Variants in ZFHX3 observed in about 807,000 individuals in gnomAD.
ZFHX3 encodes the protein zinc finger homeobox protein 3.
A neutral mutation model predicts 279.1 loss-of-function variants in ZFHX3; 42 were observed. The ratio of observed to expected loss-of-function variants is 0.15; its 90% CI spans 0.12 to 0.19. The LOEUF (loss-of-function observed/expected upper bound fraction) is 0.19. ZFHX3 is among the 10% of genes least tolerant of loss of function. The probability of loss-of-function intolerance (pLI) is 1.00; values close to 1 mark genes in which losing one functional copy is unlikely to be tolerated. For missense variants in ZFHX3, 4,981 were observed against 4,754.0 expected, an observed-to-expected ratio of 1.05 and a Z score of -1.40; for synonymous variants, 2,293 against 1,957.8, an observed-to-expected ratio of 1.17 and a Z score of -4.52.
intron 1 of ZFHX3, among the ~76,000 whole-genome samples, chr16:72,999,346 C>T (rs1337667676): frequency 6.6e-6 from 1 of 152,110 alleles, no homozygotes; most frequent in East Asian, 1.9e-4. Context: ...TTAGTAGATA[C>T]AGGGTTTCGC....
chr16:72,799,147 T>C (rs1356820767), intron 8 of ZFHX3, among the ~76,000 whole-genome samples: 1 of 152,208 alleles, frequency 6.6e-6, no homozygotes, highest in Non-Finnish European at 1.5e-5. Context: ...GTGTAGAATA[T>C]GTGAATTAAT....
intron 1 of ZFHX3, among the ~76,000 whole-genome samples, chr16:72,974,712 T>C (rs1328984734): frequency 3.9e-5 from 6 of 152,070 alleles, no homozygotes; most frequent in Admixed American, 3.9e-4. Context: ...AAAGCAGTAA[T>C]GGCCACTGTA....
At chr16:73,211,632 A>C (rs1341355557) in intron 5 of ZFHX3, among the ~76,000 whole-genome samples, 2 of 152,058 alleles carry the variant, frequency 1.3e-5, no homozygotes, top group Non-Finnish European at 2.9e-5. Flanking sequence ...GAACTGGCAA[A>C]ATTCCATGCA....
intron 4 of ZFHX3, among the ~76,000 whole-genome samples, chr16:73,287,164 G>T (rs1167653740): frequency 6.0e-5 from 9 of 149,494 alleles, no homozygotes; most frequent in Non-Finnish European, 1.2e-4. Flanking sequence ...GAGTGTGTGG[G>T]TTGCTGTGTG....
At chr16:73,497,208 G>A (rs1442035473) in intron 2 of ZFHX3, among the ~76,000 whole-genome samples, 7 of 152,152 alleles carry the variant, frequency 4.6e-5, no homozygotes, top group Non-Finnish European at 1.0e-4. Context: ...CACCATCTCC[G>A]ACTGACAAGC....
intron 1 of ZFHX3, among the ~76,000 whole-genome samples, chr16:73,003,204 G>A (rs546563862): frequency 5.3e-5 from 8 of 151,530 alleles, no homozygotes; most frequent in South Asian, 2.1e-4. Context: ...ATAAGTGTCT[G>A]TAGCAAAAAT....
intron 2 of ZFHX3, among the ~76,000 whole-genome samples, chr16:73,478,522 G>A (rs1294190108): frequency 2.6e-5 from 4 of 152,126 alleles, no homozygotes; most frequent in Non-Finnish European, 4.4e-5. Flanking sequence ...GATTCCCCTG[G>A]GCAAACTGGG....
intron 2 of ZFHX3, chr16:73,505,060 T>A (rs1197275666): frequency 1.3e-5 from 2 of 152,132 alleles, no homozygotes; most frequent in Non-Finnish European, 2.9e-5. Context: ...AAGCTTTCTA[T>A]GATTTGGGGC....
At chr16:73,368,397 C>G (rs192671427) in intron 3 of ZFHX3, among the ~76,000 whole-genome samples, 60 of 152,278 alleles carry the variant, frequency 3.9e-4, no homozygotes, top group African/African-American at 1.4e-3. Context: ...TCCTGTGCTT[C>G]CAAAGAGTGT....
chr16:72,795,634 G>C lies in ZFHX3; in HGVS notation c.7048C>G (p.Leu2350Val). The C allele has an allele frequency of 6.2e-7, 1 of 1,613,780 alleles. No individual in the cohort carries two copies. Among genetic ancestry groups the C allele is most frequent in the Non-Finnish European group, 8.5e-7 (1 of 1,179,912 alleles). Residue 2350 changes from leucine (L) to valine (V), a missense_variant, in exon 9 of 10, where the codon CTG (leucine) becomes GTG (valine). Physicochemically the swap from Leu to Val is conservative, Grantham distance 32. This residue lies in a region of ZFHX3 where 744 missense variants were observed against 701.3 expected (regional missense o/e 1.06). Transcript: ENST00000268489. ...TCCTCATCCTCATCCTTGTAACACA[G>C]CTTCTTCTGGTGCTTGATGAGATCA... ...IFDLIKHQKK[L>V]CYKDEDEEGQ...
chr16:73,085,402 G>A (rs1474892791), intron 8 of ZFHX3, among the ~76,000 whole-genome samples: 5 of 152,126 alleles, frequency 3.3e-5, no homozygotes, highest in Non-Finnish European at 5.9e-5. Context: ...GGGACTACAG[G>A]TGTGCACCAC....
At chr16:73,861,996 A>G (rs1036943264) in intron 1 of ZFHX3, among the ~76,000 whole-genome samples, 7 of 152,194 alleles carry the variant, frequency 4.6e-5, no homozygotes, top group East Asian at 1.9e-4. Context: ...AAAGTTATCT[A>G]TAGTTAACTA....
At chr16:73,760,819 T>C (rs2053856472) in intron 1 of ZFHX3, among the ~76,000 whole-genome samples, 2 of 151,918 alleles carry the variant, frequency 1.3e-5, no homozygotes, top group African/African-American at 4.8e-5. Flanking sequence ...ATTTGAGGAA[T>C]GTACCTCAAA....
At chr16:73,517,663 G>A (rs1039476919) in intron 2 of ZFHX3, among the ~76,000 whole-genome samples, 5 of 152,214 alleles carry the variant, frequency 3.3e-5, no homozygotes, top group Non-Finnish European at 5.9e-5. Context: ...TCCCACCTAT[G>A]AGGTGAGGGA....
At chr16:73,255,220 C>T (rs754844012) in intron 5 of ZFHX3, among the ~76,000 whole-genome samples, 1 of 152,144 alleles carries the variant, frequency 6.6e-6, no homozygotes, top group Non-Finnish European at 1.5e-5. Context: ...GTGCCAAGGG[C>T]GTTGACATAT....
chr16:72,795,161 C>A lies in ZFHX3; in HGVS notation c.7521G>T (p.Leu2507=). 3.1e-6 allele frequency: 5 copies of A among 1,609,126 alleles called. No homozygotes were observed. Among genetic ancestry groups the A allele is most frequent in the Non-Finnish European group, 4.2e-6 (5 of 1,177,990 alleles). Residue 2507 remains leucine, a synonymous_variant, in exon 9 of 10, where the codon CTG becomes CTT. Coordinates refer to ENST00000268489, the MANE Select transcript of ZFHX3 (RefSeq NM_006885.4). ...TTGATGTGTGGAGGGGCTTGAGGGGCAGGTGGGAGAGCTGGGAAGGACTGG... is the reference window on the plus strand; with the variant it reads ...TTGATGTGTGGAGGGGCTTGAGGGGAAGGTGGGAGAGCTGGGAAGGACTGG... ...SSPSPSQLSH[L]PLKPLHTSTP...
rs369627023 is a variant in ZFHX3 at position 73,105,931 on chromosome 16, C to T, written c.-896-12333G>A. On this transcript the variant is annotated intron_variant, in intron 7 of 17. Transcript: ENST00000641206. ...TCCCACTCCCTATATGTACACGGAC[C>T]CCCTCCCCCCGCCCCATCTCCTACC... Among the ~76,000 whole-genome samples the T allele has an allele frequency of 8.5e-3, 338 of 39,580 alleles. 2 individuals carry two copies. The highest frequency in any genetic ancestry group is 0.023 in the Non-Finnish European group (239 of 10,428). 26.0% of individuals were successfully genotyped at this position (39,580 alleles called of 152,430 possible). A position where few individuals can be genotyped will look rare whatever the true frequency, so the allele number is the denominator to read the frequency against.
intron 3 of ZFHX3, among the ~76,000 whole-genome samples, chr16:73,347,934 G>A (rs1339009042): frequency 6.6e-6 from 1 of 152,250 alleles, no homozygotes; most frequent in East Asian, 1.9e-4. Context: ...CACAGAAAGA[G>A]TGAAAACTTT....
intron 3 of ZFHX3, among the ~76,000 whole-genome samples, chr16:72,943,664 G>A (rs568605221): frequency 4.6e-5 from 7 of 152,170 alleles, no homozygotes; most frequent in Admixed American, 2.0e-4. Context: ...ACAACAACAC[G>A]GTGTTGGTCA....
Sources: gnomAD v4.1 joint callset for allele counts (sites outside exome capture counted in the v4.1 genomes callset) on GRCh38, gnomAD v4.1.1 for gene constraint, gnomAD v4.1.1 regional missense constraint, MANE v1.5 for transcripts, NCBI Gene and HGNC (gene_info 2026-07-23, HGNC 2026-07-21) for gene names.